Variants in ARFGEF2 observed in about 807,000 individuals in gnomAD.
ARFGEF2 encodes brefeldin A-inhibited guanine nucleotide-exchange protein 2.
A neutral mutation model predicts 219.9 loss-of-function variants in ARFGEF2; 74 were observed. The observed-to-expected ratio is 0.34, with a 90% CI of 0.28 to 0.41. The LOEUF is 0.41. Among genes scored for constraint, ARFGEF2 ranks in the 10% least tolerant of loss-of-function variants. The probability of loss-of-function intolerance (pLI) is 1.00; values close to 1 mark genes in which losing one functional copy is unlikely to be tolerated. For missense variants in ARFGEF2, 1,743 were observed against 2,218.3 expected (o/e 0.79, Z 4.30); for synonymous variants, 733 against 799.2 (o/e 0.92, Z 1.40).
At chr20:48,934,597 A>C (rs2090935097) in intron 1 of ARFGEF2, among the ~76,000 whole-genome samples, 1 of 152,148 alleles carries the variant, frequency 6.6e-6, no homozygotes, top group African/African-American at 2.4e-5. Context: ...GAGTGAGAAC[A>C]TGTGGTGTTT....
chr20:48,989,273 CT>C lies in ARFGEF2; in HGVS notation c.2534-10del. On this transcript the variant is annotated splice_polypyrimidine_tract_variant and intron_variant, in intron 18 of 38. Transcript: ENST00000371917. Reference sequence around the variant, plus strand: ...GACTGCTAGCCACACCTATCATGCTCTTACTTTACAGATGTAGCTAGTGAAA... The same window carrying C: ...GACTGCTAGCCACACCTATCATGCTCTACTTTACAGATGTAGCTAGTGAAA... 1 of 1,614,072 alleles carries C rather than the reference CT, an allele frequency of 6.2e-7. No individual in the cohort carries two copies. Among genetic ancestry groups the C allele is most frequent in the Non-Finnish European group, 8.5e-7 (1 of 1,179,990 alleles).
At chr20:48,942,567 G>A (rs1024700212) in intron 3 of ARFGEF2, among the ~76,000 whole-genome samples, 24 of 137,250 alleles carry the variant, frequency 1.7e-4, no homozygotes, top group African/African-American at 5.6e-4. Context: ...TCACTGCAAC[G>A]TCTGCTTCTC....
At chr20:48,964,843 T>A (rs1338865645) in intron 7 of ARFGEF2, among the ~76,000 whole-genome samples, 8 of 152,230 alleles carry the variant, frequency 5.3e-5, no homozygotes, top group Non-Finnish European at 1.2e-4. Context: ...AGCTTTTTTT[T>A]AAATGAAAGA....
At chr20:48,987,266 C>G (rs1308593275) in intron 16 of ARFGEF2, among the ~76,000 whole-genome samples, 2 of 152,190 alleles carry the variant, frequency 1.3e-5, no homozygotes, top group East Asian at 3.8e-4. Flanking sequence ...CCAGTTTCAT[C>G]TCATATTAAA....
At chr20:49,024,605 C>T (rs141885229) in intron 35 of ARFGEF2, among the ~76,000 whole-genome samples, 2 of 152,206 alleles carry the variant, frequency 1.3e-5, no homozygotes, top group East Asian at 3.9e-4. Context: ...TTTATTACTG[C>T]TGGAAAAAAT....
chr20:48,983,791 T>C (rs956542533), intron 14 of ARFGEF2, among the ~76,000 whole-genome samples: 1 of 152,242 alleles, frequency 6.6e-6, no homozygotes. Context: ...AGTTCTGCCC[T>C]TGCCCCTATT....
At position 48,979,387 on chromosome 20, in the gene ARFGEF2, T is replaced by A. The variant is rs376810307; in HGVS notation, c.1958+3188T>A. Among the ~76,000 whole-genome samples the A allele has an allele frequency of 2.0e-5, 3 of 152,140 alleles. No homozygotes were observed. The East Asian group carries it at 5.8e-4, about 29-fold the overall frequency. ...CTGGATTCGGTTTGCCAGTATTTTA[T>A]TGAGGATTTTCACATTGATGTTCAT... On this transcript the variant is annotated intron_variant, in intron 14 of 38. Coordinates refer to ENST00000371917, the MANE Select transcript of ARFGEF2 (RefSeq NM_006420.3).
At chr20:48,927,176 T>A (rs1345488313) in intron 1 of ARFGEF2, among the ~76,000 whole-genome samples, 3 of 152,174 alleles carry the variant, frequency 2.0e-5, no homozygotes, top group Non-Finnish European at 4.4e-5. Flanking sequence ...TGTTAAGGGA[T>A]CCAGTTAAGG....
intron 4 of ARFGEF2, among the ~76,000 whole-genome samples, chr20:48,952,281 G>A (rs1028724322): frequency 2.0e-5 from 3 of 148,806 alleles, no homozygotes; most frequent in Admixed American, 6.8e-5. Flanking sequence ...TCATCCTCCC[G>A]AGTAGCTGGG....
chr20:49,020,756 C>A (rs1240553934), intron 34 of ARFGEF2, among the ~76,000 whole-genome samples: 2 of 152,090 alleles, frequency 1.3e-5, no homozygotes, highest in African/African-American at 4.8e-5. Context: ...TCTTTTTCTT[C>A]ACGAGCTCCA....
intron 3 of ARFGEF2, among the ~76,000 whole-genome samples, chr20:48,942,626 A>G (rs2091000649): frequency 6.6e-6 from 1 of 151,794 alleles, no homozygotes. Context: ...CTGAGATTAC[A>G]TGCACCCGCC....
chr20:48,951,676 A>C (rs2091071937), intron 4 of ARFGEF2, among the ~76,000 whole-genome samples: 1 of 152,212 alleles, frequency 6.6e-6, no homozygotes, highest in South Asian at 2.1e-4. Context: ...TGTGTTTTCA[A>C]AGTAAACTGT....
Position 49,036,457 on chromosome 20 carries a change from AAGTT to A in ARFGEF2, c.*3264_*3267del, listed in dbSNP as rs908714613. On this transcript the variant is annotated 3_prime_UTR_variant, in exon 39 of 39. Coordinates refer to ENST00000371917, the MANE Select transcript of ARFGEF2 (RefSeq NM_006420.3). ...TGTTTTACCTCCTTAAAATGCCTAA[AAGTT>A]AGTTAATAGTTACTTTGGTTTAACC... The A allele has an allele frequency of 7.3e-5, 28 of 384,632 alleles. No individual in the cohort carries two copies. Among genetic ancestry groups the A allele is most frequent in the African/African-American group, 1.2e-4 (6 of 48,346 alleles). 23.8% of individuals were successfully genotyped at this position (384,632 alleles called of 1,614,324 possible).
chr20:48,968,426 CTT>C (rs1030076011), intron 8 of ARFGEF2, among the ~76,000 whole-genome samples: 1 of 142,864 alleles, frequency 7.0e-6, no homozygotes. Context: ...CTTTTTTTTA[CTT>C]TTTTTTTTTG....
chr20:48,977,101 A>G (rs1045730214), intron 14 of ARFGEF2, among the ~76,000 whole-genome samples: 3 of 151,968 alleles, frequency 2.0e-5, no homozygotes, highest in East Asian at 1.9e-4. Flanking sequence ...TACATTAGGT[A>G]TTACTCCTAA....
Position 48,971,372 on chromosome 20 carries a change from T to C in ARFGEF2, c.1425+18T>C, listed in dbSNP as rs1280516660. ...AGATAGAGGTACGGATTCCAAAGTTTTTTCATTTCATTATTTACTATTATT... is the reference window on the plus strand; with the variant it reads ...AGATAGAGGTACGGATTCCAAAGTTCTTTCATTTCATTATTTACTATTATT... On this transcript the variant is annotated intron_variant, in intron 10 of 38. Transcript: ENST00000371917. The C allele has an allele frequency of 6.4e-7, 1 of 1,570,874 alleles. No homozygotes were observed. The highest frequency in any genetic ancestry group is 8.8e-7 in the Non-Finnish European group (1 of 1,141,380).
rs2091259862 is a variant in ARFGEF2, at chr20:48,976,164, G to A, written c.1923G>A (p.Lys641=). The change falls in exon 14 of 39, where the codon AAG becomes AAA. Residue 641 remains lysine, a synonymous_variant. Transcript: ENST00000371917. ...QDDPEQFEVI[K]QQKEIIEHGI... ...ACCCTGAGCAATTTGAGGTCATCAA[G>A]CAACAAAAAGAAATCATTGAACACG... The A allele has an allele frequency of 1.9e-6, 3 of 1,614,100 alleles. No homozygotes were observed. In the East Asian group the frequency reaches 6.7e-5, roughly 36 times the overall value.
intron 10 of ARFGEF2, 114 bp downstream of exon 10, chr20:48,971,468 T>C (rs970726141): frequency 2.1e-6 from 2 of 966,986 alleles, no homozygotes; most frequent in African/African-American, 3.3e-5. Flanking sequence ...GGAAAATGGT[T>C]CATGAAAATG....
Position 48,984,743 on chromosome 20 carries a change from C to A in ARFGEF2, c.1973C>A (p.Pro658His), listed in dbSNP as rs2091316820. 1.2e-6 allele frequency: 2 copies of A among 1,613,786 alleles called. No homozygotes were observed. Among genetic ancestry groups the A allele is most frequent in the Admixed American group, 3.3e-5 (2 of 59,976 alleles). ...GCTTGAAACAGGTTCAACAAGAAAC[C>A]CAAGAGGGGGATCCAGTTTCTCCAG... ...EHGIELFNKK[P>H]KRGIQFLQEQ... Residue 658 changes from proline to histidine, a missense_variant, in exon 15 of 39, where the codon CCC becomes CAC. Coordinates refer to ENST00000371917, the MANE Select transcript of ARFGEF2 (RefSeq NM_006420.3).
Sources: gnomAD v4.1 joint callset for allele counts (sites outside exome capture counted in the v4.1 genomes callset) on GRCh38, gnomAD v4.1.1 for gene constraint, MANE v1.5 for transcripts, NCBI Gene and HGNC (gene_info 2026-07-23, HGNC 2026-07-21) for gene names.